The following HLA-DOB variants were observed in gnomAD, a reference collection of about 807,000 sequenced individuals.
HLA-DOB encodes major histocompatibility complex, class II, DO beta, also known as HLA class II histocompatibility antigen, DO beta chain.
Under a neutral mutation model 27.7 loss-of-function variants are expected in HLA-DOB, and 25 were observed. The observed-to-expected ratio is 0.90, with a 90% CI of 0.66 to 1.26. HLA-DOB has a LOEUF of 1.26. Among genes scored for constraint, HLA-DOB ranks in the 50% most tolerant of loss-of-function variants. The pLI is 0.00. For synonymous variants in HLA-DOB, 137 were observed against 125.6 expected (o/e 1.09, Z -0.61); for missense variants, 306 against 324.9 (o/e 0.94, Z 0.45).
chr6:32,816,843 C>T lies in HLA-DOB; in HGVS notation c.91+18G>A, dbSNP rs2071472. The T allele has an allele frequency of 0.3, 473,493 of 1,601,474 alleles. 73,337 individuals are homozygous for T. Among genetic ancestry groups the T allele is most frequent in the Admixed American group, 0.41 (24,401 of 59,558 alleles). ...TTCTTGCATACACACTGGAAAAAAA[C>T]AATTGCTCTGTTCTTACCTGGAGAG... On this transcript the variant is annotated intron_variant, in intron 1 of 5. Transcript: ENST00000438763.
chr6:32,813,017 G>A lies in HLA-DOB; in HGVS notation c.*199C>T, dbSNP rs1218244666. 1.1e-5 allele frequency: 7 copies of A among 622,796 alleles called. No homozygotes were observed. The highest frequency in any genetic ancestry group is 2.7e-5 in the Admixed American group (1 of 37,364). 38.6% of individuals were successfully genotyped at this position (622,796 alleles called of 1,614,324 possible). On this transcript the variant is annotated 3_prime_UTR_variant, in exon 6 of 6. Transcript: ENST00000438763. Reference sequence around the variant, plus strand: ...GGCAATGGGGATTAATGATGTACACGTAGAAGGGAGAAGGGCAGATGGGTG... The same window carrying A: ...GGCAATGGGGATTAATGATGTACACATAGAAGGGAGAAGGGCAGATGGGTG...
At chr6:32,814,702 C>T in intron 2 of HLA-DOB, 101 bp from the exon 3 acceptor site, 3 of 1,131,394 alleles carry the variant, frequency 2.7e-6, no homozygotes, top group Non-Finnish European at 3.9e-6. Flanking sequence ...TTTCCCAGAT[C>T]ACCCAAGTGA....
At chr6:32,813,531 G>A (rs1193757025) in intron 4 of HLA-DOB, 60 bp from the exon 5 acceptor site, 15 of 1,578,488 alleles carry the variant, frequency 9.5e-6, no homozygotes, top group Admixed American at 6.7e-5. Context: ...TGATTATCCC[G>A]AGGGAAGAAC....
chr6:32,815,532 T>C (rs1173139399), intron 1 of HLA-DOB, among the ~76,000 whole-genome samples: 2 of 152,232 alleles, frequency 1.3e-5, no homozygotes, highest in Non-Finnish European at 2.9e-5. Flanking sequence ...GCTACATATT[T>C]CTAAAAGCCA....
chr6:32,816,983 A>C lies in HLA-DOB; in HGVS notation c.-32T>G. 16 of 1,452,714 alleles carry C rather than the reference A, an allele frequency of 1.1e-5. No homozygotes were observed. The highest frequency in any genetic ancestry group is 1.5e-5 in the Non-Finnish European group (15 of 1,034,478). 90.0% of individuals were successfully genotyped at this position (1,452,714 alleles called of 1,614,324 possible). On this transcript the variant is annotated 5_prime_UTR_variant, in exon 1 of 6. Coordinates refer to ENST00000438763, the MANE Select transcript of HLA-DOB (RefSeq NM_002120.4). ...GAAAGGAAAAAAATGAGATAGTAAA[A>C]TCGTCAGCCTCTTCAGAATGAGCTC...
chr6:32,814,555 G>A lies in HLA-DOB; in HGVS notation c.408C>T (p.His136=). 1.2e-6 allele frequency: 2 copies of A among 1,612,796 alleles called. No individual in the cohort carries two copies. The highest frequency in any genetic ancestry group is 1.1e-5 in the South Asian group (1 of 91,082). ...CAGAGCAGTGCAGCAGATTATGCTG[G>A]TGCAGGAGTGGGGTCCTCTCTGGGT... ...TVYPERTPLL[H]QHNLLHCSVT... is the part of the protein sequence containing the mutation. The change falls in exon 3 of 6, where the codon CAC becomes CAT. Residue 136 remains histidine (H), a synonymous_variant. Transcript: ENST00000438763.
At position 32,816,013 on chromosome 6, in the gene HLA-DOB, AG is replaced by A. The variant is rs147677681; in HGVS notation, c.92-701del. On this transcript the variant is annotated intron_variant, in intron 1 of 5. Transcript: ENST00000438763. ...TCTATTTCCTCTAGTAGTCTAAACCAGGGGGGAAATCTGAATTTTTCATCAT... is the reference window on the plus strand; with the variant it reads ...TCTATTTCCTCTAGTAGTCTAAACCAGGGGGAAATCTGAATTTTTCATCAT... Among the ~76,000 whole-genome samples, 1,305 of 152,182 alleles carry A rather than the reference AG, an allele frequency of 8.6e-3. 11 individuals are homozygous for A. Among genetic ancestry groups the A allele is most frequent in the African/African-American group, 0.028 (1,182 of 41,510 alleles).
chr6:32,814,283 G>A (rs1383246725), intron 3 of HLA-DOB, 37 bp downstream of exon 3: 3 of 1,596,572 alleles, frequency 1.9e-6, no homozygotes, highest in African/African-American at 2.7e-5. Flanking sequence ...GTATAGTCCT[G>A]AGTCAGGCCC....
At chr6:32,816,338 T>C (rs1375011975) in intron 1 of HLA-DOB, among the ~76,000 whole-genome samples, 3 of 152,260 alleles carry the variant, frequency 2.0e-5, no homozygotes, top group Non-Finnish European at 4.4e-5. Flanking sequence ...AAGGACAATG[T>C]ATTCTATTCA....
In HLA-DOB at chr6:32,813,607, C is replaced by T. The variant is rs528048505; in HGVS notation, c.754+116G>A. 15 of 1,211,384 alleles carry T rather than the reference C, an allele frequency of 1.2e-5. No individual in the cohort carries two copies. In the East Asian group the frequency reaches 1.9e-4, roughly 16 times the overall value. The allele number at this position is 1,211,384 out of a possible 1,614,324, so 75.0% of individuals were successfully genotyped here. On this transcript the variant is annotated intron_variant, in intron 4 of 5. Transcript: ENST00000438763. ...TTCTAGCTTCAGAAAAAAATTATCCCGGTGATCCCTGAGAGGCACAATCAG... is the reference window on the plus strand; with the variant it reads ...TTCTAGCTTCAGAAAAAAATTATCCTGGTGATCCCTGAGAGGCACAATCAG...
Position 32,813,828 on chromosome 6 carries a change from G to C in HLA-DOB, c.649C>G (p.Gln217Glu). 1 of 1,542,536 alleles carries C rather than the reference G, an allele frequency of 6.5e-7. No homozygotes were observed. Among genetic ancestry groups the C allele is most frequent in the Non-Finnish European group, 8.8e-7 (1 of 1,136,164 alleles). ...LSPVSVEWRA[Q>E]SEYSWRKMLS... ...ATCTTTCTCCAAGAATATTCAGACT[G>C]AGCTCCTATGGGAAACAGGTCTTTA... Residue 217 changes from glutamine (Q) to glutamate (E), a missense_variant, in exon 4 of 6, where the codon CAG becomes GAG. Gln to Glu is a conservative substitution (Grantham distance 29). Coordinates refer to ENST00000438763, the MANE Select transcript of HLA-DOB (RefSeq NM_002120.4).
chr6:32,814,529 A>C lies in HLA-DOB; in HGVS notation c.434T>G (p.Val145Gly). 1 of 1,613,064 alleles carries C rather than the reference A, an allele frequency of 6.2e-7. No homozygotes were observed. The highest frequency in any genetic ancestry group is 1.1e-5 in the South Asian group (1 of 91,076). ...LHQHNLLHCS[V>G]TGFYPGDIKI... ...GATATCCCCTGGATAGAAGCCTGTC[A>C]CAGAGCAGTGCAGCAGATTATGCTG... is the stretch of plus-strand genomic sequence containing the variant. The change falls in exon 3 of 6, where the codon GTG (valine) becomes GGG (glycine). Residue 145 changes from valine (V) to glycine (G), a missense_variant. Val to Gly is a moderately radical substitution (Grantham distance 109). Coordinates refer to ENST00000438763, the MANE Select transcript of HLA-DOB (RefSeq NM_002120.4).
In HLA-DOB at chr6:32,813,936, G is replaced by A. The variant is rs928534203; in HGVS notation, c.644-103C>T. Reference sequence around the variant, plus strand: ...TAGACACCAAATCCAATGCTAGCTAGAGAAAAATAAATAAATTTAGAAAAG... The same window carrying A: ...TAGACACCAAATCCAATGCTAGCTAAAGAAAAATAAATAAATTTAGAAAAG... On this transcript the variant is annotated intron_variant, in intron 3 of 5. Coordinates refer to ENST00000438763, the MANE Select transcript of HLA-DOB (RefSeq NM_002120.4). The A allele has an allele frequency of 3.2e-5, 24 of 757,228 alleles. No individual in the cohort carries two copies. The African/African-American group carries it at 3.9e-4, about 12-fold the overall frequency. 46.9% of individuals were successfully genotyped at this position (757,228 alleles called of 1,614,324 possible). A position where few individuals can be genotyped will look rare whatever the true frequency, so the allele number is the denominator to read the frequency against.
At chr6:32,814,167 TA>T in intron 3 of HLA-DOB, 152 bp downstream of exon 3, 1 of 719,958 alleles carries the variant, frequency 1.4e-6, no homozygotes, top group Non-Finnish European at 2.3e-6. Flanking sequence ...TCTCCCACCC[TA>T]ACCCAAGGAC....
chr6:32,812,982 C>T lies in HLA-DOB; in HGVS notation c.*234G>A. On this transcript the variant is annotated 3_prime_UTR_variant, in exon 6 of 6. Transcript: ENST00000438763. The stretch of plus-strand genomic sequence containing the variant: ...GTAAGGTCTCAGGGGAGTTTCTGGA[C>T]AATGCCCTTGGCAATGGGGATTAAT... 1.7e-6 allele frequency: 1 copy of T among 590,000 alleles called. No homozygotes were observed. The allele number at this position is 590,000 out of a possible 1,614,324, so 36.5% of individuals were successfully genotyped here. A position where few individuals can be genotyped will look rare whatever the true frequency, so the allele number is the denominator to read the frequency against.
chr6:32,816,775 G>A lies in HLA-DOB; in HGVS notation c.91+86C>T, dbSNP rs1185448387. On this transcript the variant is annotated intron_variant, in intron 1 of 5. Transcript: ENST00000438763. The stretch of plus-strand genomic sequence containing the variant: ...CCAAAAGCCACTTCCAGTCTGGTCT[G>A]TGGCCTGGACTTACAAAGAAAGGCA... 2.8e-6 allele frequency: 3 copies of A among 1,082,822 alleles called. No individual in the cohort carries two copies. The African/African-American group carries it at 4.7e-5, about 17-fold the overall frequency. 67.1% of individuals were successfully genotyped at this position (1,082,822 alleles called of 1,614,324 possible). A position where few individuals can be genotyped will look rare whatever the true frequency, so the allele number is the denominator to read the frequency against.
In HLA-DOB at chr6:32,813,781, GA is replaced by G; in HGVS notation, c.695del (p.Phe232SerfsTer5). ...WRKMLSGIAAFLLGLIFLLVG... is the reference protein window; with the variant it reads ...WRKMLSGIAAXLLGLIFLLVG... ...CCAGAAGGAAGATTAGCCCAAGTAG[GA>G]AGGCTGCAATGCCACTCAGCATCTT... On this transcript the variant is annotated frameshift_variant, in exon 4 of 6. Transcript: ENST00000438763. LOFTEE classifies it high-confidence loss of function. 1 of 1,565,606 alleles carries G rather than the reference GA, an allele frequency of 6.4e-7. No individual in the cohort carries two copies.
intron 1 of HLA-DOB, among the ~76,000 whole-genome samples, chr6:32,815,788 T>C (rs953833952): frequency 5.3e-5 from 8 of 152,232 alleles, no homozygotes; most frequent in Admixed American, 6.5e-5. Flanking sequence ...CTGAAGACAT[T>C]GCATCTAAGT....
At chr6:32,813,957 A>T in intron 3 of HLA-DOB, 124 bp from the exon 4 acceptor site, 1 of 731,410 alleles carries the variant, frequency 1.4e-6, no homozygotes, top group Non-Finnish European at 2.2e-6. Flanking sequence ...ATAAATTTAG[A>T]AAAGGTTCTT....
Sources: gnomAD v4.1 joint callset for allele counts (sites outside exome capture counted in the v4.1 genomes callset) on GRCh38, gnomAD v4.1.1 for gene constraint, MANE v1.5 for transcripts, NCBI Gene and HGNC (gene_info 2026-07-23, HGNC 2026-07-21) for gene names.